Variants in ARMC2 observed in about 807,000 individuals in gnomAD.
ARMC2 encodes the protein armadillo repeat-containing protein 2.
ARMC2 carries 67 observed loss-of-function variants against 90.3 expected under a neutral mutation model. The ratio of observed to expected loss-of-function variants is 0.74; its 90% CI spans 0.61 to 0.91. The LOEUF is 0.91. Ranked by LOEUF, ARMC2 falls within the 40% of genes least tolerant of loss-of-function variation. The pLI is 0.00. For missense variants in ARMC2, 920 were observed against 1,030.9 expected (o/e 0.89, Z 1.47); for synonymous variants, 393 against 393.0 (o/e 1.00, Z 0.00).
the ARMC2 span, among the ~76,000 whole-genome samples, chr6:108,979,807 T>C: frequency 6.6e-6 from 1 of 151,892 alleles, no homozygotes; most frequent in Non-Finnish European, 1.5e-5. Flanking sequence ...TTGTGTATGC[T>C]TCACGAAGTT....
the ARMC2 span, among the ~76,000 whole-genome samples, chr6:109,040,066 T>C: frequency 6.6e-6 from 1 of 152,172 alleles, no homozygotes; most frequent in Non-Finnish European, 1.5e-5. Context: ...TGGAAAGAGA[T>C]GGCCTACTGA....
At chr6:109,024,502 G>C in the ARMC2 span, among the ~76,000 whole-genome samples, 1 of 152,144 alleles carries the variant, frequency 6.6e-6, no homozygotes, top group Non-Finnish European at 1.5e-5. Flanking sequence ...AACTGACCTC[G>C]ATATTAGTGC....
At chr6:108,894,417 A>G in intron 5 of ARMC2, 50 bp from the exon 6 acceptor site, 3 of 1,503,574 alleles carry the variant, frequency 2.0e-6, no homozygotes, top group Non-Finnish European at 2.7e-6. Context: ...CATTTACAAA[A>G]TTAGAAGTGT....
intron 4 of ARMC2, among the ~76,000 whole-genome samples, chr6:108,873,158 C>T (rs565458155): frequency 2.0e-4 from 30 of 152,304 alleles, no homozygotes; most frequent in African/African-American, 6.0e-4. Context: ...ATGGAAGCAG[C>T]CATCCACCAA....
intron 6 of ARMC2, among the ~76,000 whole-genome samples, chr6:108,898,031 C>T (rs2128459868): frequency 6.6e-6 from 1 of 152,190 alleles, no homozygotes. Flanking sequence ...AATTAATAAT[C>T]CTAATCCCAA....
At position 108,912,349 on chromosome 6, in the gene ARMC2, G is replaced by A. The variant is rs1773524512; in HGVS notation, c.1141G>A (p.Val381Ile). The A allele has an allele frequency of 1.2e-6, 2 of 1,603,100 alleles. No homozygotes were observed. The highest frequency in any genetic ancestry group is 1.7e-6 in the Non-Finnish European group (2 of 1,174,618). Residue 381 changes from valine (V) to isoleucine (I), a missense_variant, in exon 10 of 18, where the codon GTA becomes ATA. Physicochemically the swap from Val to Ile is conservative, Grantham distance 29. Coordinates refer to ENST00000392644, the MANE Select transcript of ARMC2 (RefSeq NM_032131.6). ...NDSILESLLE[V>I]LRSEDLQTNM... ...CTTTTTGACAGAATCATTATTGGAG[G>A]TACTAAGAAGTGAAGACCTGCAAAC...
chr6:108,953,230 A>G lies in ARMC2; in HGVS notation c.1794A>G (p.Ser598=), dbSNP rs1248357472. ...GEQHRAQRPP[S]EAEDVLIKLT... ...AGCACAGGGCGCAGAGGCCGCCGTCAGAGGCAGAGGACGTGCTCATCAAGC... is the reference window on the plus strand; with the variant it reads ...AGCACAGGGCGCAGAGGCCGCCGTCGGAGGCAGAGGACGTGCTCATCAAGC... Residue 598 remains serine, a synonymous_variant, in exon 13 of 18, where the codon TCA becomes TCG. Transcript: ENST00000392644. The G allele has an allele frequency of 6.2e-7, 1 of 1,613,902 alleles. No individual in the cohort carries two copies.
At chr6:108,977,822 T>C (rs1427822834), downstream of ARMC2, among the ~76,000 whole-genome samples, 1 of 152,206 alleles carries the variant, frequency 6.6e-6, no homozygotes. Context: ...GTAGTTTGTA[T>C]TTCTGTAGGA....
chr6:108,884,216 C>T (rs1437637109), intron 5 of ARMC2, among the ~76,000 whole-genome samples: 1 of 152,134 alleles, frequency 6.6e-6, no homozygotes, highest in Non-Finnish European at 1.5e-5. Flanking sequence ...TGGACCCTGT[C>T]CATGAAGAGC....
chr6:108,917,510 A>G (rs1380732189), intron 10 of ARMC2, among the ~76,000 whole-genome samples: 1 of 152,198 alleles, frequency 6.6e-6, no homozygotes, highest in East Asian at 1.9e-4. Flanking sequence ...TTGAGCCTGG[A>G]TAGTTCAGAA....
the ARMC2 span, among the ~76,000 whole-genome samples, chr6:109,039,135 A>G: frequency 7.1e-6 from 1 of 140,712 alleles, no homozygotes; most frequent in Non-Finnish European, 1.6e-5. Flanking sequence ...AAGGAGAAAG[A>G]AAGAAGAGGA....
rs2128515260 is a variant in ARMC2, at chr6:108,965,020, C to G, written c.2326C>G (p.Gln776Glu). Residue 776 changes from glutamine to glutamate, a missense_variant, in exon 17 of 18, where the codon CAG becomes GAG. By Grantham distance (29) the Gln-to-Glu change is conservative. Transcript: ENST00000392644. ...CLRDLGPTDW[Q>E]LACLVCKTLW... Reference sequence around the variant, plus strand: ...AAGAGATTTGGGTCCTACTGATTGGCAGCTGGCCTGCTTGGTTTGTAAAAC... The same window carrying G: ...AAGAGATTTGGGTCCTACTGATTGGGAGCTGGCCTGCTTGGTTTGTAAAAC... 6.2e-7 allele frequency: 1 copy of G among 1,613,388 alleles called. No individual in the cohort carries two copies. Among genetic ancestry groups the G allele is most frequent in the Non-Finnish European group, 8.5e-7 (1 of 1,179,410 alleles).
intron 15 of ARMC2, 103 bp downstream of exon 15, chr6:108,962,230 T>C (rs1722330966): frequency 1.0e-6 from 1 of 975,074 alleles, no homozygotes; most frequent in African/African-American, 1.7e-5. Flanking sequence ...TGTTTCCGTT[T>C]TGAGATTTGT....
chr6:108,881,550 TA>T (rs1366246038), intron 5 of ARMC2, among the ~76,000 whole-genome samples: 12 of 152,058 alleles, frequency 7.9e-5, no homozygotes, highest in African/African-American at 2.9e-4. Context: ...AATATTTAAT[TA>T]AAGATATGAG....
the ARMC2 span, among the ~76,000 whole-genome samples, chr6:109,034,316 T>C: frequency 6.6e-6 from 1 of 152,222 alleles, no homozygotes; most frequent in Non-Finnish European, 1.5e-5. Flanking sequence ...GTATAATTAC[T>C]TCTCTCAATT....
chr6:108,918,673 CA>C (rs1562388419), intron 10 of ARMC2, among the ~76,000 whole-genome samples: 3 of 152,116 alleles, frequency 2.0e-5, no homozygotes, highest in African/African-American at 7.2e-5. Context: ...GAGCCCCCAG[CA>C]TAAGCTGGCC....
intron 12 of ARMC2, among the ~76,000 whole-genome samples, chr6:108,944,429 A>T (rs796495861): frequency 2.0e-5 from 3 of 152,314 alleles, no homozygotes; most frequent in African/African-American, 7.2e-5. Flanking sequence ...AAAGGTGCTC[A>T]TCACACTGAT....
downstream of ARMC2, among the ~76,000 whole-genome samples, chr6:108,977,290 T>C (rs1779000385): frequency 6.6e-6 from 1 of 152,282 alleles, no homozygotes; most frequent in East Asian, 1.9e-4. Flanking sequence ...CTGTTTGTTA[T>C]GGATTACGTT....
At chr6:108,873,250 A>G (rs529744167) in intron 4 of ARMC2, among the ~76,000 whole-genome samples, 1 of 152,130 alleles carries the variant, frequency 6.6e-6, no homozygotes, top group East Asian at 1.9e-4. Context: ...TTTTCTAACC[A>G]TTTAAAAATA....
Sources: allele counts gnomAD v4.1 joint callset (sites outside exome capture counted in the v4.1 genomes callset), GRCh38; gene constraint gnomAD v4.1.1; transcripts MANE v1.5; gene names NCBI Gene and HGNC (gene_info 2026-07-23, HGNC 2026-07-21).